The following SPATA17 variants were observed in gnomAD, a reference collection of about 807,000 sequenced individuals.
The protein encoded by SPATA17 is spermatogenesis-associated protein 17.
Under a neutral mutation model 62.2 loss-of-function variants are expected in SPATA17, and 53 were observed. The observed-to-expected ratio is 0.85, with a 90% CI of 0.68 to 1.07. The LOEUF is 1.07. SPATA17 is among the 50% of genes least tolerant of loss of function. SPATA17 has a pLI of 0.00. For missense variants in SPATA17, 466 were observed against 425.5 expected (o/e 1.10, Z -0.84); for synonymous variants, 146 against 146.8 (o/e 0.99, Z 0.04).
intron 1 of SPATA17, 23 bp downstream of exon 1, chr1:217,631,469 G>A: frequency 3.1e-6 from 5 of 1,613,224 alleles, no homozygotes; most frequent in Admixed American, 1.7e-5. Context: ...GAGAAGGATC[G>A]CGTAAAGGGC....
intron 5 of SPATA17, among the ~76,000 whole-genome samples, chr1:217,699,544 A>G (rs1671544751): frequency 6.6e-6 from 1 of 152,142 alleles, no homozygotes; most frequent in Non-Finnish European, 1.5e-5. Flanking sequence ...CCCATTTTCT[A>G]ATTAGATTAT....
intron 5 of SPATA17, among the ~76,000 whole-genome samples, chr1:217,704,363 G>C (rs1671684135): frequency 6.8e-6 from 1 of 146,288 alleles, no homozygotes; most frequent in African/African-American, 2.5e-5. Context: ...CCATTCTCCT[G>C]CCTCAGCCTC....
At chr1:217,726,353 T>C (rs1672256584) in intron 5 of SPATA17, among the ~76,000 whole-genome samples, 1 of 152,188 alleles carries the variant, frequency 6.6e-6, no homozygotes, top group African/African-American at 2.4e-5. Context: ...TTCCTCATTC[T>C]CCTCCAGTCC....
chr1:217,818,017 T>C (rs543026339), intron 9 of SPATA17, among the ~76,000 whole-genome samples: 2 of 152,216 alleles, frequency 1.3e-5, no homozygotes, highest in African/African-American at 4.8e-5. Flanking sequence ...ATCATGCTTT[T>C]CTGAAAATTA....
chr1:217,676,423 G>A (rs181655429), intron 4 of SPATA17, among the ~76,000 whole-genome samples: 2 of 152,002 alleles, frequency 1.3e-5, no homozygotes, highest in African/African-American at 4.8e-5. Context: ...TGCCTGTTTT[G>A]GGCCCTGAAG....
At chr1:217,794,626 T>G (rs1674090175) in intron 8 of SPATA17, among the ~76,000 whole-genome samples, 1 of 152,162 alleles carries the variant, frequency 6.6e-6, no homozygotes, top group African/African-American at 2.4e-5. Flanking sequence ...TTTTACCGCT[T>G]ATAGCAAAAA....
chr1:217,776,957 A>G (rs1673609653), intron 7 of SPATA17, among the ~76,000 whole-genome samples: 1 of 152,156 alleles, frequency 6.6e-6, no homozygotes, highest in Non-Finnish European at 1.5e-5. Flanking sequence ...TAGAAGTGAC[A>G]TCCCATCACT....
At chr1:217,851,849 C>T (rs1675673780) in intron 9 of SPATA17, among the ~76,000 whole-genome samples, 1 of 152,140 alleles carries the variant, frequency 6.6e-6, no homozygotes, top group Non-Finnish European at 1.5e-5. Flanking sequence ...CGAAGGCTAT[C>T]ATTTGCACAT....
intron 5 of SPATA17, among the ~76,000 whole-genome samples, chr1:217,715,343 A>G (rs1448788955): frequency 6.6e-6 from 1 of 152,340 alleles, no homozygotes; most frequent in South Asian, 2.1e-4. Flanking sequence ...TTTACAAATT[A>G]CTAAATTGAC....
intron 5 of SPATA17, among the ~76,000 whole-genome samples, chr1:217,699,667 C>T (rs1371891654): frequency 3.3e-5 from 5 of 151,954 alleles, no homozygotes. Flanking sequence ...TCTTTTCATT[C>T]TCTTAGTATG....
intron 9 of SPATA17, among the ~76,000 whole-genome samples, chr1:217,802,612 T>A (rs2102988189): frequency 6.6e-6 from 1 of 152,236 alleles, no homozygotes; most frequent in African/African-American, 2.4e-5. Context: ...TATCTCTCCC[T>A]GTAAGGGCAC....
intron 8 of SPATA17, among the ~76,000 whole-genome samples, chr1:217,791,414 A>G (rs1673991822): frequency 6.6e-6 from 1 of 152,214 alleles, no homozygotes; most frequent in Admixed American, 6.5e-5. Context: ...AAGCCTGTGT[A>G]TAATTAAGAA....
Position 217,651,187 on chromosome 1 carries a change from A to C in SPATA17, c.240+9A>C. 6.3e-7 allele frequency: 1 copy of C among 1,581,774 alleles called. No homozygotes were observed. Among genetic ancestry groups the C allele is most frequent in the Non-Finnish European group, 8.6e-7 (1 of 1,158,808 alleles). On this transcript the variant is annotated intron_variant, in intron 3 of 10. Transcript: ENST00000366933. ...ATCAACTAACTGTGCAGGTAAATAT[A>C]AAATGTACATATGTTAGCATTTGAA...
chr1:217,857,649 G>C (rs1675812856), intron 9 of SPATA17, among the ~76,000 whole-genome samples: 1 of 152,140 alleles, frequency 6.6e-6, no homozygotes, highest in Admixed American at 6.5e-5. Flanking sequence ...TATCATATCA[G>C]AGGCAAATTT....
intron 9 of SPATA17, among the ~76,000 whole-genome samples, chr1:217,806,646 T>A (rs886855739): frequency 2.0e-5 from 3 of 152,146 alleles, no homozygotes; most frequent in African/African-American, 4.8e-5. Flanking sequence ...AGTCCCTGAG[T>A]CCCATCATCT....
intron 9 of SPATA17, among the ~76,000 whole-genome samples, chr1:217,858,551 C>A (rs1675830364): frequency 6.6e-6 from 1 of 152,178 alleles, no homozygotes; most frequent in Middle Eastern, 3.4e-3. Flanking sequence ...TAGAATTCAC[C>A]AGTGAAACCA....
chr1:217,868,152 T>C lies in SPATA17; in HGVS notation c.*1133T>C, dbSNP rs1033779618. The C allele has an allele frequency of 6.6e-6, 1 of 152,180 alleles. No homozygotes were observed. Among genetic ancestry groups the C allele is most frequent in the Non-Finnish European group, 1.5e-5 (1 of 68,026 alleles). 9.4% of individuals were successfully genotyped at this position (152,180 alleles called of 1,614,324 possible). ...TAAAATAAAAGATCTTTTGAAACAA[T>C]TGGAAGTTTGAACACTGATTGGATA... On this transcript the variant is annotated 3_prime_UTR_variant, in exon 11 of 11. Transcript: ENST00000366933.
chr1:217,641,408 G>GA (rs752730326), intron 1 of SPATA17, among the ~76,000 whole-genome samples: 43 of 151,076 alleles, frequency 2.8e-4, no homozygotes, highest in Non-Finnish European at 4.7e-4. Context: ...CAATCAGGAG[G>GA]GAAAAAAAAT....
At chr1:217,785,834 A>C (rs913799589) in intron 8 of SPATA17, among the ~76,000 whole-genome samples, 3 of 152,306 alleles carry the variant, frequency 2.0e-5, no homozygotes, top group Middle Eastern at 3.4e-3. Flanking sequence ...CATAGCAAAT[A>C]GGACAATAAT....
Sources: gnomAD v4.1 joint callset for allele counts (sites outside exome capture counted in the v4.1 genomes callset) on GRCh38, gnomAD v4.1.1 for gene constraint, MANE v1.5 for transcripts, NCBI Gene and HGNC (gene_info 2026-07-23, HGNC 2026-07-21) for gene names.